The following PARD3 variants were observed in gnomAD, a reference collection of about 807,000 sequenced individuals.
PARD3 encodes the protein par-3 family cell polarity regulator, also known as partitioning defective 3 homolog.
Under a neutral mutation model 155.4 loss-of-function variants are expected in PARD3, and 75 were observed. The ratio of observed to expected loss-of-function variants is 0.48; its 90% CI spans 0.40 to 0.58. PARD3 has a LOEUF of 0.58. PARD3 is among the 20% of genes least tolerant of loss of function. The pLI is 0.00. For synonymous variants in PARD3, 576 were observed against 610.5 expected, an observed-to-expected ratio of 0.94 and a Z score of 0.83; for missense variants, 1,642 against 1,721.7, an observed-to-expected ratio of 0.95 and a Z score of 0.82.
intron 19 of PARD3, 87 bp from the exon 20 acceptor site, chr10:34,317,425 T>G: frequency 7.1e-7 from 1 of 1,404,546 alleles, no homozygotes; most frequent in Admixed American, 2.5e-5. Flanking sequence ...GACTTTACTT[T>G]CCCACACTTT....
chr10:34,518,158 C>T lies in PARD3; in HGVS notation c.223-999G>A, dbSNP rs528290960. Among the ~76,000 whole-genome samples the T allele has an allele frequency of 3.9e-5, 6 of 152,310 alleles. No homozygotes were observed. The South Asian group carries it at 1.2e-3, about 32-fold the overall frequency. On this transcript the variant is annotated intron_variant, in intron 2 of 24. Coordinates refer to ENST00000374788, the MANE Select transcript of PARD3 (RefSeq NM_001184785.2). ...CCTCCCAAAGTGCTGGGATTACAGG[C>T]GTGAGCCACTGCTCCCGGCCAAACT...
chr10:34,169,326 G>C (rs1274485), intron 22 of PARD3, among the ~76,000 whole-genome samples: 65,962 of 152,068 alleles, frequency 0.43, 14,907 homozygotes, highest in Non-Finnish European at 0.5. Context: ...TTCCATGATG[G>C]TGACAAAAGG....
Position 34,728,700 on chromosome 10 carries a change from T to C in PARD3, c.121-32281A>G, listed in dbSNP as rs191791829. 1.5e-3 allele frequency among the ~76,000 whole-genome samples: 228 copies of C among 152,324 alleles called. 1 individual carries two copies. Among genetic ancestry groups the C allele is most frequent in the African/African-American group, 5.0e-3 (207 of 41,560 alleles). On this transcript the variant is annotated intron_variant, in intron 1 of 24. Coordinates refer to ENST00000374788, the MANE Select transcript of PARD3 (RefSeq NM_001184785.2). ...TTTATTGCCCAGCAGAATACAACCA[T>C]TTCTGTACTTGCCTTTTGTTTCTCA...
At chr10:34,489,262 T>C (rs1564771629) in intron 3 of PARD3, among the ~76,000 whole-genome samples, 1 of 152,098 alleles carries the variant, frequency 6.6e-6, no homozygotes, top group Non-Finnish European at 1.5e-5. Context: ...GAAGAATCGT[T>C]TGAACTGGAA....
chr10:34,411,919 CGTGTGTGTGTGTGTGTGTGTGT>C (rs61517279), intron 5 of PARD3, among the ~76,000 whole-genome samples: 41 of 141,178 alleles, frequency 2.9e-4, no homozygotes, highest in Admixed American at 5.7e-4. Context: ...ATAAGCTAGT[CGTGTGTGTGTGTGTGTGTGTGT>C]GTGTGTGTGT....
intron 2 of PARD3, among the ~76,000 whole-genome samples, chr10:34,633,470 CA>C (rs1370034353): frequency 6.6e-6 from 1 of 151,942 alleles, no homozygotes; most frequent in African/African-American, 2.4e-5. Context: ...TGGCTTATTT[CA>C]CCTAACACAA....
At chr10:34,369,017 C>CT (rs529159710) in intron 12 of PARD3, among the ~76,000 whole-genome samples, 17 of 144,928 alleles carry the variant, frequency 1.2e-4, no homozygotes, top group Admixed American at 2.0e-4. Context: ...TGTAGCTTAG[C>CT]TTTTTTTTTT....
At chr10:34,763,284 T>G (rs4076544) in intron 1 of PARD3, among the ~76,000 whole-genome samples, 33,185 of 152,220 alleles carry the variant, frequency 0.22, 4,731 homozygotes, top group East Asian at 0.54. Flanking sequence ...CACAAAGTAT[T>G]TTTGCCCAGT....
intron 22 of PARD3, among the ~76,000 whole-genome samples, chr10:34,190,006 AT>A (rs1376943066): frequency 6.6e-6 from 1 of 152,102 alleles, no homozygotes; most frequent in East Asian, 1.9e-4. Flanking sequence ...CTGTTGGAGG[AT>A]TTGCATAACT....
At chr10:34,156,093 T>C (rs1948992507) in intron 22 of PARD3, among the ~76,000 whole-genome samples, 1 of 152,162 alleles carries the variant, frequency 6.6e-6, no homozygotes, top group Non-Finnish European at 1.5e-5. Context: ...ATTGGATGAC[T>C]GATTCTCATA....
chr10:34,237,589 G>C (rs1953315452), intron 22 of PARD3, among the ~76,000 whole-genome samples: 1 of 152,028 alleles, frequency 6.6e-6, no homozygotes, highest in Admixed American at 6.5e-5. Flanking sequence ...CTTTCAAAAG[G>C]CAGGAAGTAA....
chr10:34,536,029 C>CA (rs1461211794), intron 2 of PARD3, among the ~76,000 whole-genome samples: 1 of 152,106 alleles, frequency 6.6e-6, no homozygotes, highest in Non-Finnish European at 1.5e-5. Flanking sequence ...TGTATTCTGT[C>CA]AATCAAGAGC....
intron 2 of PARD3, among the ~76,000 whole-genome samples, chr10:34,554,357 T>C (rs2084822594): frequency 6.6e-6 from 1 of 152,260 alleles, no homozygotes. Flanking sequence ...TTGTGCATCA[T>C]TAACTTATAT....
intron 2 of PARD3, among the ~76,000 whole-genome samples, chr10:34,668,510 G>A (rs2093545538): frequency 6.6e-6 from 1 of 152,204 alleles, no homozygotes; most frequent in Non-Finnish European, 1.5e-5. Flanking sequence ...AGAGCAGAGA[G>A]AGGAAGATGA....
At chr10:34,558,174 A>T (rs575727334) in intron 2 of PARD3, among the ~76,000 whole-genome samples, 1 of 152,218 alleles carries the variant, frequency 6.6e-6, no homozygotes, top group African/African-American at 2.4e-5. Flanking sequence ...AAAAAAAAAA[A>T]GTTGAATACG....
At chr10:34,441,877 C>T (rs1022252428) in intron 5 of PARD3, among the ~76,000 whole-genome samples, 1 of 152,042 alleles carries the variant, frequency 6.6e-6, no homozygotes, top group African/African-American at 2.4e-5. Flanking sequence ...GTTAATATAT[C>T]CAGGTAACAA....
chr10:34,262,462 C>T (rs1004383522), intron 22 of PARD3, among the ~76,000 whole-genome samples: 10 of 152,022 alleles, frequency 6.6e-5, no homozygotes, highest in Admixed American at 2.6e-4. Context: ...GACAGCATCT[C>T]GCTGTGTTGT....
rs531593465 is a variant in PARD3, at chr10:34,424,508, T to A, written c.715-22591A>T. Among the ~76,000 whole-genome samples, 251 of 152,026 alleles carry A rather than the reference T, an allele frequency of 1.7e-3. 1 individual carries two copies. Among genetic ancestry groups the A allele is most frequent in the African/African-American group, 4.8e-3 (200 of 41,484 alleles). ...GTAATCAAGATTCTAACTTTACATT[T>A]TTTATTTATTTATTTATTTATTTTG... On this transcript the variant is annotated intron_variant, in intron 5 of 24. Transcript: ENST00000374788.
At chr10:34,792,011 C>T (rs533511629) in intron 1 of PARD3, among the ~76,000 whole-genome samples, 1 of 152,280 alleles carries the variant, frequency 6.6e-6, no homozygotes, top group African/African-American at 2.4e-5. Flanking sequence ...TCTCCTGAGC[C>T]TCCCTCGGCC....
Sources: gnomAD v4.1 joint callset for allele counts (sites outside exome capture counted in the v4.1 genomes callset) on GRCh38, gnomAD v4.1.1 for gene constraint, MANE v1.5 for transcripts, NCBI Gene and HGNC (gene_info 2026-07-23, HGNC 2026-07-21) for gene names.